The following ZNF385D variants were observed in gnomAD, a reference collection of about 807,000 sequenced individuals.
ZNF385D encodes the protein zinc finger protein 385D, also known as zinc finger protein 659.
In ZNF385D, 15 loss-of-function variants were observed where a neutral mutation model predicts 35.8. The observed-to-expected ratio is 0.42, with a 90% CI of 0.28 to 0.64. ZNF385D has a LOEUF of 0.64. Among genes scored for constraint, ZNF385D ranks in the 30% least tolerant of loss-of-function variants. The probability of loss-of-function intolerance (pLI) is 0.23; values close to 1 mark genes in which losing one functional copy is unlikely to be tolerated. For missense variants in ZNF385D, 474 were observed against 494.6 expected (o/e 0.96, Z 0.39); for synonymous variants, 212 against 186.8 (o/e 1.13, Z -1.10).
chr3:21,632,173 AC>A (rs1047739679), intron 2 of ZNF385D, among the ~76,000 whole-genome samples: 1 of 152,148 alleles, frequency 6.6e-6, no homozygotes, highest in Non-Finnish European at 1.5e-5. Context: ...GGGGAAACTT[AC>A]AATAACATTT....
intron 3 of ZNF385D, among the ~76,000 whole-genome samples, chr3:21,766,490 A>G (rs1405761576): frequency 2.0e-5 from 3 of 152,140 alleles, no homozygotes; most frequent in Non-Finnish European, 4.4e-5. Flanking sequence ...AGGAAAGAGT[A>G]CGATCATGCC....
intron 3 of ZNF385D, among the ~76,000 whole-genome samples, chr3:22,029,603 G>A (rs1697797433): frequency 6.6e-6 from 1 of 152,162 alleles, no homozygotes; most frequent in South Asian, 2.1e-4. Context: ...TTAAAAACAT[G>A]TTTGTGCATA....
At chr3:22,366,254 G>A (rs181688099) in intron 2 of ZNF385D, among the ~76,000 whole-genome samples, 1 of 152,042 alleles carries the variant, frequency 6.6e-6, no homozygotes, top group East Asian at 1.9e-4. Context: ...CCCAATACAA[G>A]TACTCAATAC....
At chr3:21,710,075 A>C (rs892640298) in intron 1 of ZNF385D, among the ~76,000 whole-genome samples, 19 of 152,178 alleles carry the variant, frequency 1.2e-4, no homozygotes, top group African/African-American at 4.3e-4. Flanking sequence ...CAATTACACG[A>C]CCTTTTAGAA....
At chr3:21,814,656 A>T (rs2073071651) in intron 3 of ZNF385D, among the ~76,000 whole-genome samples, 1 of 152,214 alleles carries the variant, frequency 6.6e-6, no homozygotes. Context: ...ATATGCACCC[A>T]ATACAGGAGC....
At chr3:21,836,564 A>C (rs1695342781) in intron 3 of ZNF385D, among the ~76,000 whole-genome samples, 1 of 152,088 alleles carries the variant, frequency 6.6e-6, no homozygotes, top group South Asian at 2.1e-4. Flanking sequence ...CTTTTTCTGT[A>C]AGGAGCCAGA....
intron 2 of ZNF385D, among the ~76,000 whole-genome samples, chr3:22,231,599 T>C (rs955946714): frequency 3.9e-5 from 6 of 152,124 alleles, no homozygotes; most frequent in Admixed American, 2.6e-4. Flanking sequence ...AGTTTACCTC[T>C]TCCCTTCCTT....
intron 2 of ZNF385D, among the ~76,000 whole-genome samples, chr3:22,344,554 T>C (rs1695568895): frequency 6.6e-6 from 1 of 151,560 alleles, no homozygotes; most frequent in Non-Finnish European, 1.5e-5. Flanking sequence ...CATGCCTGCC[T>C]CATTTTGGGG....
intron 2 of ZNF385D, among the ~76,000 whole-genome samples, chr3:21,566,473 C>T (rs916031205): frequency 1.3e-5 from 2 of 151,864 alleles, no homozygotes; most frequent in African/African-American, 4.8e-5. Context: ...TAACAAAGTA[C>T]AAAAAAATTA....
chr3:22,282,095 T>TC (rs533329390), intron 2 of ZNF385D, among the ~76,000 whole-genome samples: 62 of 152,188 alleles, frequency 4.1e-4, no homozygotes, highest in African/African-American at 1.3e-3. Context: ...TTGTAATATA[T>TC]CCCGTTTCAT....
intron 3 of ZNF385D, among the ~76,000 whole-genome samples, chr3:22,047,856 T>A (rs756660957): frequency 3.3e-5 from 5 of 152,186 alleles, no homozygotes; most frequent in Non-Finnish European, 7.3e-5. Flanking sequence ...TAATTTACTT[T>A]CCCACCATTC....
At chr3:22,084,022 A>G (rs1022139679) in intron 3 of ZNF385D, among the ~76,000 whole-genome samples, 1 of 152,200 alleles carries the variant, frequency 6.6e-6, no homozygotes, top group Admixed American at 6.5e-5. Flanking sequence ...CTTTACAGAC[A>G]AGGAAATGCT....
intron 2 of ZNF385D, among the ~76,000 whole-genome samples, chr3:22,183,338 G>T (rs6803242): frequency 0.027 from 4,178 of 152,154 alleles, 192 homozygotes; most frequent in African/African-American, 0.094. Context: ...CAGAGAATGA[G>T]AAGTTATTTA....
chr3:21,752,109 T>C (rs1402916589), upstream of ZNF385D, among the ~76,000 whole-genome samples: 4 of 143,214 alleles, frequency 2.8e-5, no homozygotes, highest in African/African-American at 7.8e-5. Context: ...GCTCCTCCAA[T>C]GGTATAATGA....
rs185026092 is a variant in ZNF385D, at chr3:21,559,985, G to A, written c.276+4589C>T. ...CTTGTGTATGCCTCACGAAGTTCTC[G>A]TGCTGTATTTTTCAGCTCCATCACG... On this transcript the variant is annotated intron_variant, in intron 3 of 7. Transcript: ENST00000281523. Among the ~76,000 whole-genome samples, 12 of 152,140 alleles carry A rather than the reference G, an allele frequency of 7.9e-5. No homozygotes were observed. In the East Asian group the frequency reaches 2.1e-3, roughly 27 times the overall value.
chr3:22,155,898 A>C (rs1235547162), intron 3 of ZNF385D, among the ~76,000 whole-genome samples: 1 of 152,098 alleles, frequency 6.6e-6, no homozygotes, highest in Non-Finnish European at 1.5e-5. Flanking sequence ...ACACATAAGG[A>C]AAGTTAAGAG....
intron 2 of ZNF385D, among the ~76,000 whole-genome samples, chr3:22,230,490 G>T (rs2125296632): frequency 6.6e-6 from 1 of 152,144 alleles, no homozygotes; most frequent in Non-Finnish European, 1.5e-5. Flanking sequence ...TTTAATGAAG[G>T]ATTCCACTCC....
chr3:22,157,357 G>T (rs557269677), intron 3 of ZNF385D, among the ~76,000 whole-genome samples: 1 of 151,974 alleles, frequency 6.6e-6, no homozygotes, highest in Non-Finnish European at 1.5e-5. Flanking sequence ...TTATATTTTT[G>T]ATACCTTTAT....
intron 3 of ZNF385D, among the ~76,000 whole-genome samples, chr3:22,078,479 G>A (rs1023675074): frequency 1.3e-5 from 2 of 152,050 alleles, no homozygotes; most frequent in Non-Finnish European, 2.9e-5. Flanking sequence ...GAGTGGATAA[G>A]GATATGGTAT....
Sources: gnomAD v4.1 joint callset for allele counts (sites outside exome capture counted in the v4.1 genomes callset) on GRCh38, gnomAD v4.1.1 for gene constraint, MANE v1.5 for transcripts, NCBI Gene and HGNC (gene_info 2026-07-23, HGNC 2026-07-21) for gene names.